KIAA1549L: variants seen among roughly 807,000 people sequenced by gnomAD.
KIAA1549L encodes the protein UPF0606 protein KIAA1549L.
Under a neutral mutation model 160.7 loss-of-function variants are expected in KIAA1549L, and 88 were observed. The observed-to-expected ratio is 0.55, with a 90% CI of 0.46 to 0.65. The LOEUF (loss-of-function observed/expected upper bound fraction) is 0.65, where lower values mean the gene tolerates loss of function less well. Ranked by LOEUF, KIAA1549L falls within the 30% of genes least tolerant of loss-of-function variation. The probability of loss-of-function intolerance (pLI) is 0.00; values close to 1 mark genes in which losing one functional copy is unlikely to be tolerated. For synonymous variants in KIAA1549L, 950 were observed against 976.7 expected (o/e 0.97, Z 0.51); for missense variants, 2,258 against 2,437.5 (o/e 0.93, Z 1.55).
At chr11:33,482,822 A>G (rs899234845) in intron 1 of KIAA1549L, among the ~76,000 whole-genome samples, 3 of 151,934 alleles carry the variant, frequency 2.0e-5, no homozygotes, top group African/African-American at 7.2e-5. Context: ...CACCCGCCTC[A>G]CCTCCTAAAG....
intron 15 of KIAA1549L, among the ~76,000 whole-genome samples, chr11:33,615,521 C>A (rs1159756546): frequency 6.6e-6 from 1 of 151,950 alleles, no homozygotes; most frequent in African/African-American, 2.4e-5. Flanking sequence ...AATTTCTCTA[C>A]CTGAGAGTCT....
intron 1 of KIAA1549L, among the ~76,000 whole-genome samples, chr11:33,430,045 T>TCCTTCCTTCCTTCCTTCCTCCCTC (rs538132465): frequency 5.9e-4 from 76 of 128,994 alleles, no homozygotes; most frequent in African/African-American, 2.1e-3. Flanking sequence ...CTTCCTTCCT[T>TCCTTCCTTCCTTCCTTCCTCCCTC]CCTCCCTTCC....
chr11:33,580,402 C>T (rs755479984), intron 10 of KIAA1549L, among the ~76,000 whole-genome samples: 28 of 151,592 alleles, frequency 1.8e-4, no homozygotes, highest in Non-Finnish European at 2.8e-4. Flanking sequence ...GGAGAAACCC[C>T]GTCTCTACTA....
At chr11:33,550,038 G>GA (rs1854404618) in intron 4 of KIAA1549L, among the ~76,000 whole-genome samples, 1 of 122,804 alleles carries the variant, frequency 8.1e-6, no homozygotes, top group African/African-American at 3.3e-5. Flanking sequence ...AACAAAAAAA[G>GA]AAACAAAAAA....
chr11:33,588,624 G>A (rs1849950624), intron 11 of KIAA1549L, among the ~76,000 whole-genome samples: 1 of 152,202 alleles, frequency 6.6e-6, no homozygotes, highest in Non-Finnish European at 1.5e-5. Flanking sequence ...ATTGATTATG[G>A]AAGGAGCAGG....
At chr11:33,632,424 AC>A (rs1028867364) in intron 16 of KIAA1549L, among the ~76,000 whole-genome samples, 1 of 152,196 alleles carries the variant, frequency 6.6e-6, no homozygotes, top group African/African-American at 2.4e-5. Flanking sequence ...GGGAGATTAC[AC>A]TGATTAATTT....
chr11:33,622,725 C>T (rs554960062), intron 16 of KIAA1549L, among the ~76,000 whole-genome samples: 7 of 152,300 alleles, frequency 4.6e-5, no homozygotes, highest in South Asian at 4.1e-4. Flanking sequence ...ATTACCTCCA[C>T]GGCAGGCACC....
At chr11:33,539,013 T>A (rs924024294) in intron 1 of KIAA1549L, among the ~76,000 whole-genome samples, 5 of 152,238 alleles carry the variant, frequency 3.3e-5, no homozygotes, top group African/African-American at 9.6e-5. Flanking sequence ...ATATATGTCT[T>A]CCTTTAGTAA....
Position 33,542,570 on chromosome 11 carries a change from C to G in KIAA1549L, c.1007C>G (p.Ser336Ter). Residue 336 changes from serine to a stop codon, truncating the protein, a stop_gained, in exon 2 of 21, where the codon TCA becomes TGA. Coordinates refer to ENST00000658780, the MANE Select transcript of KIAA1549L (RefSeq NM_012194.3). LOFTEE classifies it high-confidence loss of function. Reference protein sequence around the residue: ...SELSPTEGPHSAGSSTPGFLS... With the variant: ...SELSPTEGPH ...CTGTCCCCAACAGAGGGTCCCCATT[C>G]AGCAGGTTCATCCACACCTGGGTTT... 6.2e-7 allele frequency: 1 copy of G among 1,613,956 alleles called. No individual in the cohort carries two copies. The highest frequency in any genetic ancestry group is 1.3e-5 in the African/African-American group (1 of 75,054).
At chr11:33,581,480 G>A (rs1855643542) in intron 10 of KIAA1549L, among the ~76,000 whole-genome samples, 1 of 151,590 alleles carries the variant, frequency 6.6e-6, no homozygotes, top group Non-Finnish European at 1.5e-5. Context: ...TGTTAACTCG[G>A]AACCGACTTT....
chr11:33,487,146 G>T (rs75315647), intron 1 of KIAA1549L, among the ~76,000 whole-genome samples: 1 of 152,318 alleles, frequency 6.6e-6, no homozygotes, highest in East Asian at 1.9e-4. Context: ...AAGTCTAGTT[G>T]TTTTGTTAGA....
intron 11 of KIAA1549L, among the ~76,000 whole-genome samples, chr11:33,588,324 G>A (rs891321809): frequency 1.3e-5 from 2 of 152,180 alleles, no homozygotes; most frequent in South Asian, 4.1e-4. Context: ...TGGTACAAAA[G>A]GGGTCAACAG....
intron 12 of KIAA1549L, among the ~76,000 whole-genome samples, chr11:33,598,190 T>TTGTG (rs57343190): frequency 0.093 from 12,520 of 135,052 alleles, 1,202 homozygotes; most frequent in African/African-American, 0.24. Flanking sequence ...GAGAGAATGT[T>TTGTG]TGTGTGTGTG....
chr11:33,636,755 G>A (rs371536052), intron 16 of KIAA1549L, among the ~76,000 whole-genome samples: 1 of 152,156 alleles, frequency 6.6e-6, no homozygotes, highest in Non-Finnish European at 1.5e-5. Flanking sequence ...TTATAGGTTT[G>A]TATGAGAAAA....
chr11:33,483,652 A>G (rs1248088019), intron 1 of KIAA1549L, among the ~76,000 whole-genome samples: 1 of 152,076 alleles, frequency 6.6e-6, no homozygotes, highest in Admixed American at 6.6e-5. Context: ...GGAGGGACCC[A>G]TGGGAGATAA....
chr11:33,490,812 G>A (rs1852640603), intron 1 of KIAA1549L, among the ~76,000 whole-genome samples: 1 of 152,152 alleles, frequency 6.6e-6, no homozygotes, highest in Admixed American at 6.6e-5. Context: ...TGAATTACCT[G>A]GGATCTTATC....
At chr11:33,617,976 T>C (rs1419057489) in intron 15 of KIAA1549L, among the ~76,000 whole-genome samples, 1 of 152,150 alleles carries the variant, frequency 6.6e-6, no homozygotes, top group Non-Finnish European at 1.5e-5. Context: ...GATGAATGGA[T>C]AAGCCCCAAA....
chr11:33,498,308 G>T (rs988337641), intron 1 of KIAA1549L, among the ~76,000 whole-genome samples: 3 of 152,062 alleles, frequency 2.0e-5, no homozygotes, highest in Non-Finnish European at 4.4e-5. Context: ...ACCTGAACCC[G>T]ATGGCTGCAC....
At chr11:33,649,666 A>G (rs1227382856) in intron 17 of KIAA1549L, among the ~76,000 whole-genome samples, 1 of 151,472 alleles carries the variant, frequency 6.6e-6, no homozygotes, top group Non-Finnish European at 1.5e-5. Flanking sequence ...AAAACAAACA[A>G]CTCCCCCCAA....
Sources: allele counts gnomAD v4.1 joint callset (sites outside exome capture counted in the v4.1 genomes callset), GRCh38; gene constraint gnomAD v4.1.1; transcripts MANE v1.5; gene names NCBI Gene and HGNC (gene_info 2026-07-23, HGNC 2026-07-21).